Variants in ADGRL3 observed in about 807,000 individuals in gnomAD.
ADGRL3 encodes adhesion G protein-coupled receptor L3, also known as calcium-independent alpha-latrotoxin receptor 3.
In ADGRL3, 62 loss-of-function variants were observed where a neutral mutation model predicts 153.5. The observed-to-expected ratio is 0.40, with a 90% confidence interval of 0.33 to 0.50. ADGRL3 has a LOEUF of 0.50. Ranked by LOEUF, ADGRL3 falls within the 20% of genes least tolerant of loss-of-function variation. The pLI, the probability that ADGRL3 is intolerant of heterozygous loss-of-function variation, is 0.47. For missense variants in ADGRL3, 1,641 were observed against 1,859.4 expected (o/e 0.88, Z 2.16); for synonymous variants, 710 against 672.5 (o/e 1.06, Z -0.86).
chr4:61,433,170 G>T (rs143725705), intron 2 of ADGRL3, among the ~76,000 whole-genome samples: 2 of 151,736 alleles, frequency 1.3e-5, no homozygotes, highest in South Asian at 2.1e-4. Flanking sequence ...TCTTATTTTC[G>T]TTTGAATTGT....
At chr4:61,700,135 T>C (rs960417853) in intron 6 of ADGRL3, among the ~76,000 whole-genome samples, 17 of 151,654 alleles carry the variant, frequency 1.1e-4, no homozygotes, top group African/African-American at 4.1e-4. Context: ...ACTTAACAAA[T>C]TCAACAAATA....
intron 8 of ADGRL3, among the ~76,000 whole-genome samples, chr4:61,745,825 C>T (rs1037914507): frequency 1.3e-5 from 2 of 152,144 alleles, no homozygotes; most frequent in Non-Finnish European, 2.9e-5. Context: ...AACCAGCTAA[C>T]ATCATAATGA....
intron 6 of ADGRL3, among the ~76,000 whole-genome samples, chr4:61,691,486 A>G (rs1028870988): frequency 6.6e-6 from 1 of 152,154 alleles, no homozygotes; most frequent in Non-Finnish European, 1.5e-5. Flanking sequence ...TGCTTACTAC[A>G]AATATCCAAG....
intron 1 of ADGRL3, among the ~76,000 whole-genome samples, chr4:61,255,377 T>G (rs1052029062): frequency 6.6e-6 from 1 of 152,214 alleles, no homozygotes; most frequent in Non-Finnish European, 1.5e-5. Flanking sequence ...ATTTTGTTTC[T>G]GTAAAATTTT....
At chr4:61,273,113 G>C (rs1004626695) in intron 1 of ADGRL3, among the ~76,000 whole-genome samples, 2 of 152,184 alleles carry the variant, frequency 1.3e-5, no homozygotes, top group African/African-American at 2.4e-5. Context: ...CAATTTCTGA[G>C]CTGTTAGCTC....
At chr4:61,778,488 A>G (rs1194909939) in intron 8 of ADGRL3, among the ~76,000 whole-genome samples, 2 of 152,236 alleles carry the variant, frequency 1.3e-5, no homozygotes, top group Admixed American at 1.3e-4. Flanking sequence ...AGAGTCAACC[A>G]TTCTAACCAG....
At chr4:61,296,773 A>AC (rs1359145860) in intron 1 of ADGRL3, among the ~76,000 whole-genome samples, 2 of 152,168 alleles carry the variant, frequency 1.3e-5, no homozygotes, top group Non-Finnish European at 2.9e-5. Flanking sequence ...GAAAATAAGC[A>AC]CCTTTACACA....
chr4:61,984,711 G>A (rs905630952), intron 19 of ADGRL3, among the ~76,000 whole-genome samples: 11 of 152,050 alleles, frequency 7.2e-5, no homozygotes, highest in Non-Finnish European at 1.5e-4. Flanking sequence ...CCCAGAGGTC[G>A]CTATGTTGCC....
chr4:61,357,923 G>T (rs1024827537), intron 1 of ADGRL3, among the ~76,000 whole-genome samples: 4 of 152,106 alleles, frequency 2.6e-5, no homozygotes, highest in African/African-American at 7.2e-5. Flanking sequence ...TATAGTCAGT[G>T]GTCAAGGTAC....
intron 1 of ADGRL3, among the ~76,000 whole-genome samples, chr4:61,270,407 G>C (rs1246953192): frequency 1.3e-5 from 2 of 151,664 alleles, no homozygotes; most frequent in African/African-American, 4.8e-5. Context: ...ACTAACACCA[G>C]TATTTCCCAC....
chr4:61,992,847 T>C (rs2099108149), intron 19 of ADGRL3, among the ~76,000 whole-genome samples: 1 of 152,198 alleles, frequency 6.6e-6, no homozygotes, highest in African/African-American at 2.4e-5. Context: ...AAAGCAAAGT[T>C]TTGCAAGGCT....
At chr4:61,768,450 G>A (rs943847629) in intron 8 of ADGRL3, among the ~76,000 whole-genome samples, 5 of 152,006 alleles carry the variant, frequency 3.3e-5, no homozygotes, top group South Asian at 2.1e-4. Context: ...GATTTGGGAC[G>A]AGTTGCACTG....
intron 17 of ADGRL3, among the ~76,000 whole-genome samples, chr4:61,958,109 A>T (rs554489958): frequency 2.6e-5 from 4 of 152,290 alleles, no homozygotes; most frequent in African/African-American, 9.6e-5. Context: ...TCATCAATTT[A>T]TATTATAATC....
intron 6 of ADGRL3, among the ~76,000 whole-genome samples, chr4:61,693,234 T>G: frequency 6.6e-6 from 1 of 152,260 alleles, no homozygotes; most frequent in South Asian, 2.1e-4. Flanking sequence ...TTTAATTCAC[T>G]ATTATTACAA....
chr4:61,667,416 T>C (rs909413121), intron 5 of ADGRL3, among the ~76,000 whole-genome samples: 1 of 152,172 alleles, frequency 6.6e-6, no homozygotes, highest in African/African-American at 2.4e-5. Context: ...TAAGATCTTG[T>C]AATACGGTAG....
At chr4:61,348,577 C>T (rs2095973922) in intron 1 of ADGRL3, among the ~76,000 whole-genome samples, 1 of 151,806 alleles carries the variant, frequency 6.6e-6, no homozygotes, top group Non-Finnish European at 1.5e-5. Context: ...GCATAATTCT[C>T]AAATTAAATT....
chr4:62,067,093 A>T (rs1370376634), intron 25 of ADGRL3, among the ~76,000 whole-genome samples: 1 of 152,140 alleles, frequency 6.6e-6, no homozygotes, highest in Admixed American at 6.6e-5. Flanking sequence ...CTTACTTTAA[A>T]GTTCTTTTGA....
intron 3 of ADGRL3, among the ~76,000 whole-genome samples, chr4:61,501,713 C>G (rs1315324882): frequency 6.6e-6 from 1 of 152,126 alleles, no homozygotes; most frequent in South Asian, 2.1e-4. Context: ...AAATCAGAGA[C>G]TAAGCTAAAG....
intron 4 of ADGRL3, among the ~76,000 whole-genome samples, chr4:61,581,871 A>G (rs918025989): frequency 3.9e-5 from 6 of 152,084 alleles, no homozygotes; most frequent in South Asian, 2.1e-4. Context: ...TTGTTCAAAT[A>G]CATTCTTTAT....
Sources: gnomAD v4.1 joint callset for allele counts (sites outside exome capture counted in the v4.1 genomes callset) on GRCh38, gnomAD v4.1.1 for gene constraint, MANE v1.5 for transcripts, NCBI Gene and HGNC (gene_info 2026-07-23, HGNC 2026-07-21) for gene names.